Variants in ZNF385D observed in about 807,000 individuals in gnomAD.
ZNF385D encodes the protein zinc finger protein 385D.
ZNF385D carries 15 observed loss-of-function variants against 35.8 expected under a neutral mutation model. That is an observed-to-expected ratio of 0.42 (90% CI 0.28 to 0.64). The LOEUF (loss-of-function observed/expected upper bound fraction) is 0.64, where lower values mean the gene tolerates loss of function less well. Ranked by LOEUF, ZNF385D falls within the 30% of genes least tolerant of loss-of-function variation. The pLI is 0.23. For missense variants in ZNF385D, 474 were observed against 494.6 expected (o/e 0.96, Z 0.39); for synonymous variants, 212 against 186.8 (o/e 1.13, Z -1.10).
At chr3:21,470,321 T>C (rs554271931) in intron 4 of ZNF385D, among the ~76,000 whole-genome samples, 35 of 152,278 alleles carry the variant, frequency 2.3e-4, no homozygotes, top group African/African-American at 8.2e-4. Flanking sequence ...CAGGTAGCTG[T>C]CCTGCTTTAG....
chr3:21,787,266 A>T (rs2071726725), intron 3 of ZNF385D, among the ~76,000 whole-genome samples: 1 of 152,170 alleles, frequency 6.6e-6, no homozygotes, highest in African/African-American at 2.4e-5. Context: ...GTGTGGGTGC[A>T]AACAGAGAGC....
At chr3:22,316,772 T>G (rs896113231) in intron 2 of ZNF385D, among the ~76,000 whole-genome samples, 1 of 152,194 alleles carries the variant, frequency 6.6e-6, no homozygotes, top group African/African-American at 2.4e-5. Context: ...TTTTAGTGTT[T>G]GAAACTTCTA....
At chr3:21,720,619 G>A (rs923607763) in intron 1 of ZNF385D, among the ~76,000 whole-genome samples, 4 of 152,236 alleles carry the variant, frequency 2.6e-5, no homozygotes, top group African/African-American at 4.8e-5. Context: ...AGCTCTGGGA[G>A]TGAGGCCCAG....
At chr3:22,217,798 G>C (rs1697985909) in intron 2 of ZNF385D, among the ~76,000 whole-genome samples, 1 of 152,104 alleles carries the variant, frequency 6.6e-6, no homozygotes, top group Non-Finnish European at 1.5e-5. Flanking sequence ...CTTATGTGTG[G>C]AGATGGGAGG....
intron 3 of ZNF385D, among the ~76,000 whole-genome samples, chr3:22,162,153 A>C (rs578233853): frequency 2.0e-5 from 3 of 152,176 alleles, no homozygotes; most frequent in Non-Finnish European, 4.4e-5. Flanking sequence ...AGAGTTAAGG[A>C]AAGTATTAAA....
At chr3:21,770,309 G>C (rs967288478) in intron 3 of ZNF385D, among the ~76,000 whole-genome samples, 1 of 152,056 alleles carries the variant, frequency 6.6e-6, no homozygotes, top group Admixed American at 6.6e-5. Context: ...GCAACCTACA[G>C]AATGGAAGAA....
chr3:21,769,424 A>T (rs1258810659), intron 3 of ZNF385D, among the ~76,000 whole-genome samples: 1 of 122,102 alleles, frequency 8.2e-6, no homozygotes, highest in Non-Finnish European at 1.7e-5. Context: ...AATCACATGC[A>T]TTCTTATACA....
At chr3:21,437,427 T>C (rs1876463) in intron 4 of ZNF385D, among the ~76,000 whole-genome samples, 141,160 of 151,974 alleles carry the variant, frequency 0.93, 65,623 homozygotes, top group East Asian at 1. Flanking sequence ...TGAACATCAA[T>C]ATAAATACAA....
rs184619825 is a variant in ZNF385D, at chr3:21,822,919, A to G, written c.326-157891T>C. Among the ~76,000 whole-genome samples the G allele has an allele frequency of 1.1e-4, 17 of 152,322 alleles. No homozygotes were observed. The East Asian group carries it at 3.3e-3, about 29-fold the overall frequency. On this transcript the variant is annotated intron_variant, in intron 3 of 5. Coordinates refer to the ZNF385D transcript ENST00000494108. ...TTGTTCAGAGATATGGGCATATAGT[A>G]TAAAACTGTAAATTAAAAAAAGCAA...
At chr3:21,655,218 A>G (rs2066038938) in intron 2 of ZNF385D, among the ~76,000 whole-genome samples, 1 of 151,954 alleles carries the variant, frequency 6.6e-6, no homozygotes, top group Non-Finnish European at 1.5e-5. Flanking sequence ...CTAACCTTCA[A>G]CACCTTTACT....
intron 2 of ZNF385D, among the ~76,000 whole-genome samples, chr3:22,349,277 G>C (rs1045413717): frequency 6.6e-6 from 1 of 152,132 alleles, no homozygotes; most frequent in Non-Finnish European, 1.5e-5. Context: ...AGAATCTCAA[G>C]TTGAACCTAG....
Position 21,550,097 on chromosome 3 carries a change from T to C in ZNF385D, c.276+14477A>G, listed in dbSNP as rs370488267. ...CAAAATATGCAGCTTAAAAACGTAA[T>C]AGATGCAGTAATTCTCTTTTCCTTT... On this transcript the variant is annotated intron_variant, in intron 3 of 7. Transcript: ENST00000281523. 1.2e-4 allele frequency among the ~76,000 whole-genome samples: 19 copies of C among 152,098 alleles called. 2 individuals are homozygous for C. The highest frequency in any genetic ancestry group is 1.1e-3 in the Admixed American group (17 of 15,266).
intron 2 of ZNF385D, among the ~76,000 whole-genome samples, chr3:22,187,335 T>C (rs1455424526): frequency 6.6e-6 from 1 of 152,168 alleles, no homozygotes; most frequent in Admixed American, 6.6e-5. Context: ...TGGTGATACA[T>C]ATCTATTTCT....
At chr3:21,827,221 A>C (rs1216086869) in intron 3 of ZNF385D, among the ~76,000 whole-genome samples, 2 of 152,160 alleles carry the variant, frequency 1.3e-5, no homozygotes, top group African/African-American at 4.8e-5. Context: ...CTCCCTCAGG[A>C]ATTGACAGTC....
intron 3 of ZNF385D, among the ~76,000 whole-genome samples, chr3:21,918,812 T>G (rs971714269): frequency 1.3e-5 from 2 of 152,204 alleles, no homozygotes; most frequent in African/African-American, 4.8e-5. Flanking sequence ...TTAGTTAAAT[T>G]TTCAGAATGA....
chr3:22,129,751 C>A (rs1366503579), intron 3 of ZNF385D, among the ~76,000 whole-genome samples: 1 of 152,012 alleles, frequency 6.6e-6, no homozygotes, highest in Non-Finnish European at 1.5e-5. Flanking sequence ...CCAAGGTGGG[C>A]CTAAAAACAC....
intron 3 of ZNF385D, chr3:21,849,709 T>C (rs1006589406): frequency 1.8e-4 from 28 of 151,992 alleles, no homozygotes; most frequent in African/African-American, 6.5e-4. Context: ...CAAAATTTTT[T>C]CTTCTATGAC....
chr3:21,833,188 T>A (rs1166241873), intron 3 of ZNF385D, among the ~76,000 whole-genome samples: 1 of 152,060 alleles, frequency 6.6e-6, no homozygotes, highest in African/African-American at 2.4e-5. Context: ...TATTATTGAG[T>A]TTTCTTTTAA....
intron 3 of ZNF385D, among the ~76,000 whole-genome samples, chr3:22,108,368 GT>G (rs199890876): frequency 1.9e-4 from 27 of 145,194 alleles, no homozygotes; most frequent in Middle Eastern, 7.0e-3. Context: ...GGTTTTTTTT[GT>G]TTTTTTTTTG....
Sources: allele counts gnomAD v4.1 joint callset (sites outside exome capture counted in the v4.1 genomes callset), GRCh38; gene constraint gnomAD v4.1.1; transcripts MANE v1.5; gene names NCBI Gene and HGNC (gene_info 2026-07-23, HGNC 2026-07-21).